CDH9: variants seen among roughly 807,000 people sequenced by gnomAD.
CDH9 encodes cadherin-9.
In CDH9, 28 loss-of-function variants were observed where a neutral mutation model predicts 70.9. The observed-to-expected ratio is 0.40, with a 90% CI of 0.29 to 0.54. The LOEUF (loss-of-function observed/expected upper bound fraction) is 0.54. Among genes scored for constraint, CDH9 ranks in the 20% least tolerant of loss-of-function variants. The pLI is 0.59. For missense variants in CDH9, 874 were observed against 984.4 expected (o/e 0.89, Z 1.50); for synonymous variants, 409 against 343.1 (o/e 1.19, Z -2.12).
At position 27,003,150 on chromosome 5, in the gene CDH9, G is replaced by A. The variant is rs77111411; in HGVS notation, c.-49-14768C>T. Among the ~76,000 whole-genome samples, 1,188 of 152,116 alleles carry A rather than the reference G, an allele frequency of 7.8e-3. 22 individuals carry two copies. Among genetic ancestry groups the A allele is most frequent in the African/African-American group, 0.027 (1,127 of 41,518 alleles). ...ACCCAAATTCAAAATGTGCCAATGG[G>A]AATTTCATTTGAGCATCAGGTTGGC... On this transcript the variant is annotated intron_variant, in intron 1 of 11. Transcript: ENST00000231021.
intron 1 of CDH9, among the ~76,000 whole-genome samples, chr5:27,001,313 C>G (rs6870095): frequency 0.023 from 3,522 of 152,158 alleles, 152 homozygotes; most frequent in African/African-American, 0.081. Context: ...AAAAATTGCA[C>G]AGAGGCACTG....
At position 26,949,370 on chromosome 5, in the gene CDH9, A is replaced by C. The variant is rs142440127; in HGVS notation, c.229-33446T>G. Among the ~76,000 whole-genome samples, 963 of 152,342 alleles carry C rather than the reference A, an allele frequency of 6.3e-3. 11 individuals are homozygous for C. The highest frequency in any genetic ancestry group is 0.022 in the African/African-American group (906 of 41,578). On this transcript the variant is annotated intron_variant, in intron 2 of 11. Transcript: ENST00000231021. ...GAGTTTAAAGCCAACTTTAGGTGGA[A>C]GAAAATGTAATAAGTTGAAATGGGA...
At position 27,019,759 on chromosome 5, in the gene CDH9, T is replaced by C. The variant is rs535516334; in HGVS notation, c.-50+18704A>G. Among the ~76,000 whole-genome samples the C allele has an allele frequency of 1.4e-4, 21 of 152,070 alleles. 1 individual carries two copies. Among genetic ancestry groups the C allele is most frequent in the African/African-American group, 5.1e-4 (21 of 41,574 alleles). On this transcript the variant is annotated intron_variant, in intron 1 of 11. Coordinates refer to ENST00000231021, the MANE Select transcript of CDH9 (RefSeq NM_016279.4). ...CACAAATGAAAGAGAGTTTTAAATT[T>C]ACTCGTCGGAAACAATAATCTTATA...
At chr5:26,923,458 C>T (rs1037268010) in intron 2 of CDH9, among the ~76,000 whole-genome samples, 17 of 151,932 alleles carry the variant, frequency 1.1e-4, no homozygotes, top group African/African-American at 4.1e-4. Flanking sequence ...AAAAACAGAT[C>T]TTAATACAAT....
At chr5:26,930,079 TG>T (rs1741415230) in intron 2 of CDH9, among the ~76,000 whole-genome samples, 1 of 152,108 alleles carries the variant, frequency 6.6e-6, no homozygotes, top group Non-Finnish European at 1.5e-5. Flanking sequence ...GTGCATTGTA[TG>T]CCTGTATCAA....
intron 2 of CDH9, among the ~76,000 whole-genome samples, chr5:26,940,021 T>G (rs1391352134): frequency 6.6e-6 from 1 of 151,804 alleles, no homozygotes; most frequent in Non-Finnish European, 1.5e-5. Flanking sequence ...TATCCAAGCA[T>G]GGTGGTGCAT....
At chr5:26,917,627 A>C (rs1290154296) in intron 2 of CDH9, among the ~76,000 whole-genome samples, 1 of 152,216 alleles carries the variant, frequency 6.6e-6, no homozygotes, top group South Asian at 2.1e-4. Flanking sequence ...CAAGCTCAGC[A>C]TCAAAATAAT....
chr5:26,907,723 C>T (rs1740975012), intron 3 of CDH9, among the ~76,000 whole-genome samples: 1 of 152,050 alleles, frequency 6.6e-6, no homozygotes. Flanking sequence ...ATGGTTCTGA[C>T]ATCACCCTTA....
chr5:27,029,782 G>A (rs3792735), intron 1 of CDH9, among the ~76,000 whole-genome samples: 1 of 151,780 alleles, frequency 6.6e-6, no homozygotes, highest in East Asian at 2.0e-4. Flanking sequence ...ACTTCTCAAG[G>A]AATCTGCACA....
intron 2 of CDH9, among the ~76,000 whole-genome samples, chr5:26,940,404 C>T (rs557412250): frequency 1.4e-4 from 22 of 152,092 alleles, no homozygotes; most frequent in African/African-American, 5.1e-4. Flanking sequence ...TAAAATAATG[C>T]AAAATTGATT....
At chr5:27,028,659 C>T (rs1039361602) in intron 1 of CDH9, among the ~76,000 whole-genome samples, 1 of 151,944 alleles carries the variant, frequency 6.6e-6, no homozygotes, top group African/African-American at 2.4e-5. Flanking sequence ...TTCAATTCCT[C>T]AAGTATTTCC....
At chr5:26,993,698 C>CAAAAAAAAAAAAA (rs34545141) in intron 1 of CDH9, among the ~76,000 whole-genome samples, 2 of 51,004 alleles carry the variant, frequency 3.9e-5, no homozygotes, top group African/African-American at 8.4e-5. Context: ...TATTCAGCTG[C>CAAAAAAAAAAAAA]AAAAAAAAAA....
intron 1 of CDH9, among the ~76,000 whole-genome samples, chr5:26,993,142 A>C (rs1742609655): frequency 6.6e-6 from 1 of 151,868 alleles, no homozygotes; most frequent in Non-Finnish European, 1.5e-5. Context: ...AACATGGAAC[A>C]GAACGTTGAT....
chr5:27,026,063 T>G (rs530141891), intron 1 of CDH9, among the ~76,000 whole-genome samples: 1 of 151,942 alleles, frequency 6.6e-6, no homozygotes, highest in South Asian at 2.1e-4. Flanking sequence ...AACTCTCTGT[T>G]TGAAATTTAT....
At chr5:26,963,152 C>T (rs1742068029) in intron 2 of CDH9, among the ~76,000 whole-genome samples, 1 of 152,126 alleles carries the variant, frequency 6.6e-6, no homozygotes, top group Non-Finnish European at 1.5e-5. Flanking sequence ...GAATTAATCA[C>T]ATAGAAATAA....
chr5:26,964,018 T>A (rs1053352124), intron 2 of CDH9, among the ~76,000 whole-genome samples: 6 of 152,118 alleles, frequency 3.9e-5, no homozygotes, highest in Non-Finnish European at 7.4e-5. Context: ...TTCCATAAAA[T>A]AAAAAAGAAA....
At chr5:26,897,436 C>T (rs1162245086) in intron 7 of CDH9, among the ~76,000 whole-genome samples, 1 of 152,080 alleles carries the variant, frequency 6.6e-6, no homozygotes, top group Non-Finnish European at 1.5e-5. Context: ...TACTGGCAAA[C>T]TCAATCCAGC....
chr5:26,925,507 C>G (rs1741321649), intron 2 of CDH9, among the ~76,000 whole-genome samples: 2 of 152,142 alleles, frequency 1.3e-5, no homozygotes, highest in South Asian at 4.2e-4. Flanking sequence ...GTTGCTTGTT[C>G]ACTCTCATGG....
intron 3 of CDH9, among the ~76,000 whole-genome samples, chr5:26,911,335 A>G (rs1486623055): frequency 1.3e-5 from 2 of 152,188 alleles, no homozygotes; most frequent in African/African-American, 4.8e-5. Context: ...CTTTATAAAT[A>G]CTTTACCAAA....
Sources: allele counts gnomAD v4.1 joint callset (sites outside exome capture counted in the v4.1 genomes callset), GRCh38; gene constraint gnomAD v4.1.1; transcripts MANE v1.5; gene names NCBI Gene and HGNC (gene_info 2026-07-23, HGNC 2026-07-21).